Variants in PPP2R5B observed in about 807,000 individuals in gnomAD.
The protein encoded by PPP2R5B is serine/threonine-protein phosphatase 2A 56 kDa regulatory subunit beta isoform.
Under a neutral mutation model 59.9 loss-of-function variants are expected in PPP2R5B, and 19 were observed. The ratio of observed to expected loss-of-function variants is 0.32; its 90% CI spans 0.22 to 0.47. The LOEUF (loss-of-function observed/expected upper bound fraction) is 0.47. Ranked by LOEUF, PPP2R5B falls within the 20% of genes least tolerant of loss-of-function variation. The pLI is 1.00. For synonymous variants in PPP2R5B, 286 were observed against 260.5 expected (o/e 1.10, Z -0.94); for missense variants, 441 against 640.2 (o/e 0.69, Z 3.36).
At chr11:64,923,814 C>T (rs1210077401), upstream of PPP2R5B, among the ~76,000 whole-genome samples, 3 of 152,146 alleles carry the variant, frequency 2.0e-5, no homozygotes, top group Admixed American at 6.5e-5. Context: ...AGCAGTGTAG[C>T]GGGATGGAGT....
Position 64,928,284 on chromosome 11 carries a change from G to C in PPP2R5B, c.592-11G>C, listed in dbSNP as rs1945190173. On this transcript the variant is annotated splice_polypyrimidine_tract_variant and intron_variant, in intron 5 of 13. Transcript: ENST00000164133. ...TGACCCTGACCCTGACCCTGACTCT[G>C]GTTCCCACAGCTCCTGGAGCTATTT... is the stretch of plus-strand genomic sequence containing the variant. 1 of 1,613,352 alleles carries C rather than the reference G, an allele frequency of 6.2e-7. No individual in the cohort carries two copies. The highest frequency in any genetic ancestry group is 1.1e-5 in the South Asian group (1 of 91,024).
upstream of PPP2R5B, chr11:64,917,576 G>A (rs1945047205): frequency 6.4e-6 from 1 of 156,618 alleles, no homozygotes; most frequent in Non-Finnish European, 1.4e-5. Context: ...AAACTTCGTA[G>A]AAGCCTTCCC....
intron 1 of PPP2R5B, among the ~76,000 whole-genome samples, chr11:64,918,717 C>T (rs1447033233): frequency 6.6e-6 from 1 of 152,220 alleles, no homozygotes; most frequent in Non-Finnish European, 1.5e-5. Flanking sequence ...TCCTCTCACG[C>T]AACCTCTGGC....
At position 64,931,887 on chromosome 11, in the gene PPP2R5B, G is replaced by A. The variant is rs773388011; in HGVS notation, c.1116+19G>A. On this transcript the variant is annotated intron_variant, in intron 11 of 13. Transcript: ENST00000164133. The surrounding 1 kb of genome is among the most constrained non-coding windows in gnomAD (Gnocchi z 5.0). ...TTTCCAGGTATGAGGCAGGACAGGC[G>A]GGGATGGGAGCAGGGCTGGCCTGGA... 22 of 1,612,772 alleles carry A rather than the reference G, an allele frequency of 1.4e-5. No homozygotes were observed. Among genetic ancestry groups the A allele is most frequent in the East Asian group, 2.2e-5 (1 of 44,894 alleles).
In PPP2R5B at chr11:64,930,484, C is replaced by T. The variant is rs772642303; in HGVS notation, c.786C>T (p.Ile262=). The change falls in exon 8 of 14, where the codon ATC becomes ATT. Residue 262 remains isoleucine, a synonymous_variant. Coordinates refer to ENST00000164133, the MANE Select transcript of PPP2R5B (RefSeq NM_006244.4). ...VAELLEILGS[I]INGFALPLKT... ...CTCTCTTCTGCCTCCTCCTCAGCAT[C>T]ATCAATGGCTTTGCGCTGCCCCTGA... 6.2e-7 allele frequency: 1 copy of T among 1,614,158 alleles called. No individual in the cohort carries two copies. The highest frequency in any genetic ancestry group is 8.5e-7 in the Non-Finnish European group (1 of 1,180,026).
At position 64,933,760 on chromosome 11, in the gene PPP2R5B, C is replaced by A; in HGVS notation, c.1410C>A (p.Arg470=). The part of the protein sequence containing the change: ...LWQGLEELRL[R]RLQGTQGAKE... ...AAGGTCTGGAGGAGCTGCGGCTACG[C>A]CGGCTACAGGGGACCCAGGGGGCCA... Residue 470 remains arginine (R), a synonymous_variant, in exon 14 of 14, where the codon CGC becomes CGA. Transcript: ENST00000164133. 1 of 1,556,160 alleles carries A rather than the reference C, an allele frequency of 6.4e-7. No individual in the cohort carries two copies. The highest frequency in any genetic ancestry group is 8.7e-7 in the Non-Finnish European group (1 of 1,149,578).
rs765975288 is a variant in PPP2R5B at position 64,930,499 on chromosome 11, G to A, written c.801G>A (p.Ala267=). Residue 267 remains alanine, a synonymous_variant, in exon 8 of 14, where the codon GCG becomes GCA. Transcript: ENST00000164133. The part of the protein sequence containing the change: ...EILGSIINGF[A]LPLKTEHKQF... ...TCCTCAGCATCATCAATGGCTTTGC[G>A]CTGCCCCTGAAGACGGAGCACAAGC... 1.5e-5 allele frequency: 24 copies of A among 1,613,966 alleles called. No individual in the cohort carries two copies. Among genetic ancestry groups the A allele is most frequent in the African/African-American group, 2.7e-5 (2 of 74,896 alleles).
At chr11:64,930,197 A>T in intron 6 of PPP2R5B, 125 bp from the exon 7 acceptor site, 1 of 1,067,396 alleles carries the variant, frequency 9.4e-7, no homozygotes, top group Non-Finnish European at 1.4e-6. Flanking sequence ...AAGGGAGCGC[A>T]GCCTCTGGGT....
chr11:64,927,232 G>A (rs1407672558), intron 3 of PPP2R5B, among the ~76,000 whole-genome samples: 2 of 152,172 alleles, frequency 1.3e-5, no homozygotes, highest in Admixed American at 6.5e-5. Context: ...TTTCCTGCCC[G>A]TAGACCTCAC....
In PPP2R5B at chr11:64,925,917, G is replaced by A. The variant is rs146202052; in HGVS notation, c.183G>A (p.Pro61=). Residue 61 remains proline, a synonymous_variant, in exon 2 of 14, where the codon CCG becomes CCA. Transcript: ENST00000164133. This position sits in a 1 kb window ranked among gnomAD's most constrained non-coding sequence, Gnocchi z 4.6. ...AGAGCAACCAGCAAGAGCTCACACC[G>A]CTGCCCCTGCTCAAAGGTGAGCTGG... ...RYQSNQQELT[P]LPLLKDVPAS... is the part of the protein sequence containing the mutation. 4.0e-4 allele frequency: 646 copies of A among 1,611,528 alleles called. 3 individuals carry two copies. In the African/African-American group the frequency reaches 6.6e-3, roughly 17 times the overall value.
rs915674506 is a variant in PPP2R5B, at chr11:64,934,190, C to T, written c.*346C>T. The T allele has an allele frequency of 2.5e-5, 7 of 280,502 alleles. No homozygotes were observed. Among genetic ancestry groups the T allele is most frequent in the Non-Finnish European group, 4.0e-5 (6 of 150,466 alleles). The allele number at this position is 280,502 out of a possible 1,614,324, so 17.4% of individuals were successfully genotyped here. On this transcript the variant is annotated 3_prime_UTR_variant, in exon 14 of 14. Transcript: ENST00000164133. ...CAAGGGCACTCAGCGCCTCGCCTGCCCCTGCCTTGGCCAATGCGAGGTCCT... is the reference window on the plus strand; with the variant it reads ...CAAGGGCACTCAGCGCCTCGCCTGCTCCTGCCTTGGCCAATGCGAGGTCCT...
At chr11:64,923,956 G>C (rs1945131977), upstream of PPP2R5B, among the ~76,000 whole-genome samples, 1 of 152,162 alleles carries the variant, frequency 6.6e-6, no homozygotes, top group Admixed American at 6.5e-5. Flanking sequence ...GCAGGATTTT[G>C]AGCAAGAGAC....
Position 64,933,992 on chromosome 11 carries a change from G to T in PPP2R5B, c.*148G>T. ...TCCCTGCCCAGCCCAGCTTTCACTG[G>T]GGGGAGACGAGGAGAGGCAATGGTG... On this transcript the variant is annotated 3_prime_UTR_variant, in exon 14 of 14. Coordinates refer to ENST00000164133, the MANE Select transcript of PPP2R5B (RefSeq NM_006244.4). 9.8e-7 allele frequency: 1 copy of T among 1,017,756 alleles called. No homozygotes were observed. 63.0% of individuals were successfully genotyped at this position (1,017,756 alleles called of 1,614,324 possible).
In PPP2R5B at chr11:64,927,010, C is replaced by T. The variant is rs535631920; in HGVS notation, c.396+102C>T. Reference sequence around the variant, plus strand: ...GCGTGGAGAATAACCCTGTACTCATCGGCTTGGCCTCAGTCCACGTCTTCC... The same window carrying T: ...GCGTGGAGAATAACCCTGTACTCATTGGCTTGGCCTCAGTCCACGTCTTCC... On this transcript the variant is annotated intron_variant, in intron 3 of 13. Transcript: ENST00000164133. 90 of 1,381,656 alleles carry T rather than the reference C, an allele frequency of 6.5e-5. No individual in the cohort carries two copies. The South Asian group carries it at 9.7e-4, about 15-fold the overall frequency. The allele number at this position is 1,381,656 out of a possible 1,614,324, so 85.6% of individuals were successfully genotyped here.
intron 1 of PPP2R5B, among the ~76,000 whole-genome samples, chr11:64,918,067 A>G (rs1231042143): frequency 6.6e-6 from 1 of 152,232 alleles, no homozygotes; most frequent in African/African-American, 2.4e-5. Context: ...AAAAATCAAA[A>G]GAAGAATGAA....
At chr11:64,918,093 G>GA (rs1398854599) in intron 1 of PPP2R5B, among the ~76,000 whole-genome samples, 1 of 152,198 alleles carries the variant, frequency 6.6e-6, no homozygotes, top group African/African-American at 2.4e-5. Flanking sequence ...CATGGCATGT[G>GA]AAAAATCATA....
chr11:64,925,620 C>CCT lies in PPP2R5B; in HGVS notation c.-114_-113insTC. ...GGCCCAGGACTGTGGTTGTGCCCCC[C>CCT]CCCCAAAGGCCGGACAGGATGGGAC... On this transcript the variant is annotated 5_prime_UTR_variant, in exon 2 of 14. Transcript: ENST00000164133. This position sits in a 1 kb window ranked among gnomAD's most constrained non-coding sequence, Gnocchi z 4.6. The CCT allele has an allele frequency of 1.8e-6, 1 of 551,546 alleles. No individual in the cohort carries two copies. The highest frequency in any genetic ancestry group is 2.1e-5 in the South Asian group (1 of 48,452). The allele number at this position is 551,546 out of a possible 1,614,324, so 34.2% of individuals were successfully genotyped here.
In PPP2R5B at chr11:64,933,255, T is replaced by A. The variant is rs1379958870; in HGVS notation, c.1346+9T>A. ...AAGCTGGAAAAGCAGCAGTGAGTGT[T>A]GGGGGCTGGGCGTGGGGGAAGGGAG... On this transcript the variant is annotated intron_variant, in intron 13 of 13. Transcript: ENST00000164133. 3.1e-6 allele frequency: 5 copies of A among 1,590,224 alleles called. No individual in the cohort carries two copies. In the South Asian group the frequency reaches 5.5e-5, roughly 18 times the overall value.
upstream of PPP2R5B, chr11:64,922,928 C>T (rs1207057550): frequency 6.6e-6 from 1 of 151,732 alleles, no homozygotes; most frequent in Non-Finnish European, 1.5e-5. Context: ...CTCTCCTCTA[C>T]TCTTCAGTGC....
Sources: gnomAD v4.1 joint callset for allele counts (sites outside exome capture counted in the v4.1 genomes callset) on GRCh38, gnomAD v4.1.1 for gene constraint, Gnocchi (gnomAD v3.1) non-coding constraint, MANE v1.5 for transcripts, NCBI Gene and HGNC (gene_info 2026-07-23, HGNC 2026-07-21) for gene names.